The following PIGN variants were observed in gnomAD, a reference collection of about 807,000 sequenced individuals.
PIGN encodes the protein phosphatidylinositol glycan anchor biosynthesis class N.
A neutral mutation model predicts 125.4 loss-of-function variants in PIGN; 117 were observed. That is an observed-to-expected ratio of 0.93 (90% CI 0.80 to 1.09). PIGN has a LOEUF of 1.09. PIGN is among the 50% of genes least tolerant of loss of function. The pLI, the probability that PIGN is intolerant of heterozygous loss-of-function variation, is 0.00. For missense variants in PIGN, 1,075 were observed against 1,094.9 expected, an observed-to-expected ratio of 0.98 and a Z score of 0.26; for synonymous variants, 392 against 377.8, an observed-to-expected ratio of 1.04 and a Z score of -0.44.
chr18:62,129,719 A>G (rs1228464656), intron 14 of PIGN, among the ~76,000 whole-genome samples: 2 of 152,182 alleles, frequency 1.3e-5, no homozygotes, highest in African/African-American at 4.8e-5. Flanking sequence ...CCTGGGACAC[A>G]GTAGGAAAAC....
chr18:62,022,942 C>A (rs2030071007), intron 23 of PIGN, among the ~76,000 whole-genome samples: 1 of 152,086 alleles, frequency 6.6e-6, no homozygotes, highest in Non-Finnish European at 1.5e-5. Context: ...TAAATAATTT[C>A]TAAATTACTT....
intron 23 of PIGN, among the ~76,000 whole-genome samples, chr18:62,026,431 C>G (rs1039479156): frequency 6.6e-6 from 1 of 152,114 alleles, no homozygotes; most frequent in African/African-American, 2.4e-5. Context: ...ATTTCAAGAA[C>G]AGGTGAAAAT....
rs565203604 is a variant in PIGN, at chr18:62,179,380, G to A, written c.-236+7464C>T. ...ACACTCCACCTCCTGAGATGACGAGGCACCTACATAAATTGATGTTCTTCT... is the reference window on the plus strand; with the variant it reads ...ACACTCCACCTCCTGAGATGACGAGACACCTACATAAATTGATGTTCTTCT... On this transcript the variant is annotated intron_variant, in intron 1 of 30. Coordinates refer to ENST00000640252, the MANE Select transcript of PIGN (RefSeq NM_176787.5). Among the ~76,000 whole-genome samples, 9 of 152,248 alleles carry A rather than the reference G, an allele frequency of 5.9e-5. No homozygotes were observed. The East Asian group carries it at 1.7e-3, about 29-fold the overall frequency.
chr18:62,163,114 T>C (rs1475588953), intron 2 of PIGN, among the ~76,000 whole-genome samples: 1 of 152,136 alleles, frequency 6.6e-6, no homozygotes, highest in Non-Finnish European at 1.5e-5. Flanking sequence ...TACTTTAAAT[T>C]TATATCCATT....
At chr18:62,095,799 A>G (rs368293468) in intron 23 of PIGN, 49 bp downstream of exon 23, 2 of 987,072 alleles carry the variant, frequency 2.0e-6, no homozygotes, top group Non-Finnish European at 3.2e-6. Context: ...ATATCAATAT[A>G]TCATTTAAAA....
chr18:62,046,981 T>C (rs1382252020), intron 30 of PIGN, among the ~76,000 whole-genome samples: 1 of 152,104 alleles, frequency 6.6e-6, no homozygotes, highest in Non-Finnish European at 1.5e-5. Flanking sequence ...AGCAGCAACC[T>C]GGAAATGCCA....
chr18:62,088,864 A>T (rs1368061713), intron 24 of PIGN, 22 bp from the exon 25 acceptor site: 1 of 1,303,232 alleles, frequency 7.7e-7, no homozygotes, highest in Non-Finnish European at 1.1e-6. Flanking sequence ...TAAGAAAAAT[A>T]TTAATGCACA....
intron 1 of PIGN, among the ~76,000 whole-genome samples, chr18:62,176,770 T>C (rs1053535315): frequency 5.3e-5 from 8 of 151,926 alleles, no homozygotes; most frequent in Non-Finnish European, 1.0e-4. Flanking sequence ...GATGAGAAAA[T>C]AGTGGAAAAA....
At chr18:62,023,966 G>C (rs1029926292) in intron 23 of PIGN, among the ~76,000 whole-genome samples, 71 of 152,296 alleles carry the variant, frequency 4.7e-4, no homozygotes, top group Admixed American at 1.5e-3. Flanking sequence ...TTGAGGGAAG[G>C]TGTTATTTAA....
chr18:62,093,561 A>G (rs936482177), intron 23 of PIGN, among the ~76,000 whole-genome samples: 3 of 152,126 alleles, frequency 2.0e-5, no homozygotes, highest in African/African-American at 7.2e-5. Flanking sequence ...TTTCAAAGGG[A>G]AATGTTTAAC....
At chr18:62,147,588 C>T (rs1166245255) in intron 8 of PIGN, among the ~76,000 whole-genome samples, 9 of 152,152 alleles carry the variant, frequency 5.9e-5, no homozygotes, top group African/African-American at 1.9e-4. Context: ...CAGTGCATCA[C>T]GTTTAAGAAG....
At chr18:62,137,118 A>T (rs1220420528) in intron 14 of PIGN, 1 of 398,530 alleles carries the variant, frequency 2.5e-6, no homozygotes, top group East Asian at 3.6e-5. Context: ...CACAGCTAGA[A>T]TAAAGCAGGC....
chr18:62,143,109 C>T (rs2036194451), intron 11 of PIGN, among the ~76,000 whole-genome samples, 197 bp downstream of exon 11: 1 of 152,196 alleles, frequency 6.6e-6, no homozygotes, highest in Admixed American at 6.5e-5. Context: ...TTTATTTTCA[C>T]TTCAAGTTTT....
At chr18:62,021,363 T>C (rs80222248) in intron 23 of PIGN, among the ~76,000 whole-genome samples, 2,431 of 152,296 alleles carry the variant, frequency 0.016, 27 homozygotes, top group East Asian at 0.059. Context: ...AGGTATCTTG[T>C]CACAGTTTTA....
At chr18:62,028,556 T>A (rs2030154602) in intron 23 of PIGN, among the ~76,000 whole-genome samples, 1 of 152,224 alleles carries the variant, frequency 6.6e-6, no homozygotes, top group South Asian at 2.1e-4. Flanking sequence ...AGAAGCAAGT[T>A]TCTACTCCTT....
Position 62,148,149 on chromosome 18 carries a change from T to C in PIGN, c.674+65A>G, listed in dbSNP as rs1018031725. 5.5e-6 allele frequency: 7 copies of C among 1,273,310 alleles called. No homozygotes were observed. The Admixed American group carries it at 1.3e-4, about 23-fold the overall frequency. The allele number at this position is 1,273,310 out of a possible 1,614,324, so 78.9% of individuals were successfully genotyped here. On this transcript the variant is annotated intron_variant, in intron 8 of 30. Transcript: ENST00000640252. ...TGTTATAATTCCAAAGAAAACTTTA[T>C]AATAAAAAGTTCAATAGAATAGCTG...
chr18:62,084,405 C>T, intron 27 of PIGN, 126 bp downstream of exon 27: 1 of 597,052 alleles, frequency 1.7e-6, no homozygotes. Context: ...AGGGTCTCAC[C>T]TCCAGTTTAG....
intron 30 of PIGN, among the ~76,000 whole-genome samples, chr18:62,064,708 T>A (rs572842322): frequency 1.2e-4 from 19 of 152,330 alleles, no homozygotes; most frequent in Non-Finnish European, 1.5e-5. Context: ...ACTCTAGTAA[T>A]ATCATTATCA....
In PIGN at chr18:62,017,705, C is replaced by T. The variant is rs1323222949; in HGVS notation, c.2181G>A (p.Trp727Ter). 6.6e-6 allele frequency: 1 copy of T among 152,034 alleles called. No individual in the cohort carries two copies. Among genetic ancestry groups the T allele is most frequent in the Non-Finnish European group, 1.5e-5 (1 of 68,006 alleles). 9.4% of individuals were successfully genotyped at this position (152,034 alleles called of 1,614,324 possible). Reference sequence around the variant, plus strand: ...TTTTTGTGAGATGTTTCCTACACCTCCAGGCAGTGCTTCTGCAGTCAGGCC... The same window carrying T: ...TTTTTGTGAGATGTTTCCTACACCTTCAGGCAGTGCTTCTGCAGTCAGGCC... Residue 727 changes from tryptophan (W) to a stop codon, truncating the protein, a stop_gained, in exon 24 of 25, where the codon TGG becomes TGA. Coordinates refer to the PIGN transcript ENST00000639600. LOFTEE classifies it high-confidence loss of function.
Sources: allele counts gnomAD v4.1 joint callset (sites outside exome capture counted in the v4.1 genomes callset), GRCh38; gene constraint gnomAD v4.1.1; transcripts MANE v1.5; gene names NCBI Gene and HGNC (gene_info 2026-07-23, HGNC 2026-07-21).